The following DENND3 variants were observed in gnomAD, a reference collection of about 807,000 sequenced individuals.
The protein encoded by DENND3 is DENN domain containing 3.
Under a neutral mutation model 135.1 loss-of-function variants are expected in DENND3, and 88 were observed. The observed-to-expected ratio is 0.65, with a 90% CI of 0.55 to 0.78. DENND3 has a LOEUF of 0.78. Ranked by LOEUF, DENND3 falls within the 30% of genes least tolerant of loss-of-function variation. The probability of loss-of-function intolerance (pLI) is 0.00; values close to 1 mark genes in which losing one functional copy is unlikely to be tolerated. For synonymous variants in DENND3, 693 were observed against 712.3 expected, an observed-to-expected ratio of 0.97 and a Z score of 0.43; for missense variants, 1,392 against 1,688.4, an observed-to-expected ratio of 0.82 and a Z score of 3.08.
intron 3 of DENND3, among the ~76,000 whole-genome samples, chr8:141,140,928 C>CCTTT: frequency 6.6e-6 from 1 of 152,210 alleles, no homozygotes; most frequent in African/African-American, 2.4e-5. Context: ...TTACTGTGTT[C>CCTTT]TAATCGTGTG....
Position 141,194,164 on chromosome 8 carries a change from T to TGAGGACAGA in DENND3, c.3769_3777dup (p.Glu1257_Arg1259dup). On this transcript the variant is annotated inframe_insertion, in exon 23 of 23. Transcript: ENST00000519811. ...ACACCGTGAGGACGCTGTGCTCGGCTGAGGACAGATACGTGCTGAGTGGGT... is the reference window on the plus strand; with the variant it reads ...ACACCGTGAGGACGCTGTGCTCGGCTGAGGACAGAGAGGACAGATACGTGCTGAGTGGGT... 1 of 1,613,600 alleles carries TGAGGACAGA rather than the reference T, an allele frequency of 6.2e-7. No individual in the cohort carries two copies. Among genetic ancestry groups the TGAGGACAGA allele is most frequent in the East Asian group, 2.2e-5 (1 of 44,862 alleles).
chr8:141,135,230 C>T (rs965935712), intron 1 of DENND3, among the ~76,000 whole-genome samples: 1 of 151,466 alleles, frequency 6.6e-6, no homozygotes, highest in Admixed American at 6.6e-5. Context: ...CAGCTCACTG[C>T]AGCCTCAACC....
chr8:141,144,389 C>T lies in DENND3; in HGVS notation c.735+130C>T. On this transcript the variant is annotated intron_variant, in intron 5 of 22. Transcript: ENST00000519811. The surrounding 1 kb of genome is among the most constrained non-coding windows in gnomAD (Gnocchi z 4.4). Reference sequence around the variant, plus strand: ...GTAAACCTAAAATAACATCCTAACCCCCCCGCCTCCCCACAGCTGACTGAC... The same window carrying T: ...GTAAACCTAAAATAACATCCTAACCTCCCCGCCTCCCCACAGCTGACTGAC... 2 of 891,732 alleles carry T rather than the reference C, an allele frequency of 2.2e-6. No individual in the cohort carries two copies. Among genetic ancestry groups the T allele is most frequent in the Non-Finnish European group, 3.2e-6 (2 of 619,648 alleles). The allele number at this position is 891,732 out of a possible 1,614,324, so 55.2% of individuals were successfully genotyped here. A position where few individuals can be genotyped will look rare whatever the true frequency, so the allele number is the denominator to read the frequency against.
At position 141,128,733 on chromosome 8, in the gene DENND3, T is replaced by G; in HGVS notation, c.26T>G (p.Leu9Trp). Reference sequence around the variant, plus strand: ...ATGGCGGAGGCCGCGTCGCCGCACTTGTCGCTGCCCTCGGGGCTGCTGGAG... The same window carrying G: ...ATGGCGGAGGCCGCGTCGCCGCACTGGTCGCTGCCCTCGGGGCTGCTGGAG... MAEAASPH[L>W]SLPSGLLELC... Residue 9 changes from leucine (L) to tryptophan (W), a missense_variant, in exon 1 of 23, where the codon TTG (leucine) becomes TGG (tryptophan). Transcript: ENST00000519811. The surrounding 1 kb of genome is among the most constrained non-coding windows in gnomAD (Gnocchi z 4.5). 1 of 1,438,788 alleles carries G rather than the reference T, an allele frequency of 7.0e-7. No homozygotes were observed. Among genetic ancestry groups the G allele is most frequent in the Non-Finnish European group, 9.1e-7 (1 of 1,097,634 alleles). 89.1% of individuals were successfully genotyped at this position (1,438,788 alleles called of 1,614,324 possible).
chr8:141,151,949 C>T (rs1818841598), intron 7 of DENND3, 112 bp downstream of exon 7: 16 of 1,307,816 alleles, frequency 1.2e-5, no homozygotes, highest in African/African-American at 2.9e-5. Context: ...GTCTGTGTGC[C>T]GCAGAGAGGT....
At chr8:141,142,481 C>A (rs1343068918) in intron 4 of DENND3, 1 of 427,496 alleles carries the variant, frequency 2.3e-6, no homozygotes, top group East Asian at 7.3e-5. Context: ...CTGTTCAAAT[C>A]AATGACTCGT....
rs1303635151 is a variant in DENND3 at position 141,195,001 on chromosome 8, G to C, written c.*768G>C. 1 of 152,226 alleles carries C rather than the reference G, an allele frequency of 6.6e-6. No homozygotes were observed. The highest frequency in any genetic ancestry group is 1.9e-4 in the East Asian group (1 of 5,194). 9.4% of individuals were successfully genotyped at this position (152,226 alleles called of 1,614,324 possible). On this transcript the variant is annotated 3_prime_UTR_variant, in exon 23 of 23. Coordinates refer to ENST00000519811, the MANE Select transcript of DENND3 (RefSeq NM_001352890.3). ...AGCACATGGGATCAAAAGTAAAATA[G>C]CATCATGTGTGATCTCGTCTTCCAG...
At chr8:141,185,811 C>A (rs1486422879) in intron 18 of DENND3, among the ~76,000 whole-genome samples, 1 of 151,550 alleles carries the variant, frequency 6.6e-6, no homozygotes, top group Non-Finnish European at 1.5e-5. Context: ...GGTGACAGAG[C>A]CATACCCTGT....
chr8:141,192,570 C>T lies in DENND3; in HGVS notation c.3543C>T (p.Tyr1181=). 1 of 1,580,598 alleles carries T rather than the reference C, an allele frequency of 6.3e-7. No homozygotes were observed. The highest frequency in any genetic ancestry group is 8.6e-7 in the Non-Finnish European group (1 of 1,161,026). ...WAACAGRSEV[Y]IWSLKDLAQP... is the part of the protein sequence containing the mutation. Reference sequence around the variant, plus strand: ...CCTGTGCAGGACGCAGCGAGGTTTACATCTGGAGCCTGAAGGACCTGGCCC... The same window carrying T: ...CCTGTGCAGGACGCAGCGAGGTTTATATCTGGAGCCTGAAGGACCTGGCCC... Residue 1181 remains tyrosine, a synonymous_variant, in exon 22 of 23, where the codon TAC becomes TAT. Coordinates refer to ENST00000519811, the MANE Select transcript of DENND3 (RefSeq NM_001352890.3).
chr8:141,194,270 G>A lies in DENND3; in HGVS notation c.*37G>A, dbSNP rs371734847. ...TCTGCCAAGTGGAACTGTGCCCTATGTGTGGGGACTGGCTGCCCCCTAGAG... is the reference window on the plus strand; with the variant it reads ...TCTGCCAAGTGGAACTGTGCCCTATATGTGGGGACTGGCTGCCCCCTAGAG... On this transcript the variant is annotated 3_prime_UTR_variant, in exon 23 of 23. Coordinates refer to ENST00000519811, the MANE Select transcript of DENND3 (RefSeq NM_001352890.3). The A allele has an allele frequency of 8.8e-5, 141 of 1,598,074 alleles. No individual in the cohort carries two copies. The Middle Eastern group carries it at 1.7e-3, about 19-fold the overall frequency.
chr8:141,175,329 T>G lies in DENND3; in HGVS notation c.2405T>G (p.Val802Gly). 1 of 1,614,172 alleles carries G rather than the reference T, an allele frequency of 6.2e-7. No homozygotes were observed. The highest frequency in any genetic ancestry group is 1.3e-5 in the African/African-American group (1 of 75,028). ...GAACACCTGGATAAAAACGAGTGTG[T>G]GTGTAAGTTGTCCAGCTCCGTCAAG... ...VMEHLDKNEC[V>G]CKLSSSVKTN... is the part of the protein sequence containing the mutation. The change falls in exon 14 of 23, where the codon GTG becomes GGG. Residue 802 changes from valine (V) to glycine (G), a missense_variant. By Grantham distance (109) the Val-to-Gly change is moderately radical. Coordinates refer to ENST00000519811, the MANE Select transcript of DENND3 (RefSeq NM_001352890.3). The surrounding 1 kb of genome is among the most constrained non-coding windows in gnomAD (Gnocchi z 5.4).
intron 8 of DENND3, 51 bp from the exon 9 acceptor site, chr8:141,160,581 C>T: frequency 6.5e-7 from 1 of 1,528,432 alleles, no homozygotes; most frequent in African/African-American, 1.4e-5. Context: ...TGGTGAGCGG[C>T]CGTGGCCAGT....
Position 141,181,483 on chromosome 8 carries a change from G to A in DENND3, c.2944+629G>A, listed in dbSNP as rs146840374. On this transcript the variant is annotated intron_variant, in intron 17 of 22. Transcript: ENST00000519811. ...TCTGTGTGGCCCTGAGCGGCCCTGAGTGCCTGCCAGTCCCTCTTCTCCGCT... is the reference window on the plus strand; with the variant it reads ...TCTGTGTGGCCCTGAGCGGCCCTGAATGCCTGCCAGTCCCTCTTCTCCGCT... Among the ~76,000 whole-genome samples, 32 of 152,362 alleles carry A rather than the reference G, an allele frequency of 2.1e-4. No homozygotes were observed. In the East Asian group the frequency reaches 3.9e-3, roughly 18 times the overall value.
In DENND3 at chr8:141,144,417, GACC is replaced by G. The variant is rs1817804992; in HGVS notation, c.735+159_735+161del. On this transcript the variant is annotated intron_variant, in intron 5 of 22. Transcript: ENST00000519811. The surrounding 1 kb of genome is among the most constrained non-coding windows in gnomAD (Gnocchi z 4.4). ...CCGCCTCCCCACAGCTGACTGACTG[GACC>G]CCCTTTTGGCCAAGGGGACCCCAGA... Among the ~76,000 whole-genome samples, 2 of 151,982 alleles carry G rather than the reference GACC, an allele frequency of 1.3e-5. No homozygotes were observed. Among genetic ancestry groups the G allele is most frequent in the Non-Finnish European group, 2.9e-5 (2 of 67,994 alleles).
intron 9 of DENND3, among the ~76,000 whole-genome samples, chr8:141,163,046 G>A (rs1427477226): frequency 6.6e-6 from 1 of 152,216 alleles, no homozygotes; most frequent in Non-Finnish European, 1.5e-5. Flanking sequence ...TCATGTGTGT[G>A]GACCGCAACT....
chr8:141,147,496 C>T (rs1017065656), intron 5 of DENND3, among the ~76,000 whole-genome samples: 1 of 152,234 alleles, frequency 6.6e-6, no homozygotes, highest in Non-Finnish European at 1.5e-5. Flanking sequence ...GGTGCCGCCA[C>T]AGGGCCCTTG....
At chr8:141,136,178 G>A (rs1372499495) in intron 1 of DENND3, among the ~76,000 whole-genome samples, 4 of 152,230 alleles carry the variant, frequency 2.6e-5, no homozygotes, top group Admixed American at 2.6e-4. Flanking sequence ...CTGTCAGGAG[G>A]TGGAGGCACA....
intron 10 of DENND3, among the ~76,000 whole-genome samples, chr8:141,164,107 G>C (rs1460249367): frequency 6.6e-6 from 1 of 152,084 alleles, no homozygotes; most frequent in Non-Finnish European, 1.5e-5. Context: ...TAGACGGCTG[G>C]CCCATCTCAG....
intron 5 of DENND3, among the ~76,000 whole-genome samples, chr8:141,148,971 C>T (rs1473163748): frequency 1.3e-5 from 2 of 151,086 alleles, no homozygotes; most frequent in African/African-American, 4.9e-5. Context: ...AGTGCAATGG[C>T]ACAGTCTCGG....
Sources: gnomAD v4.1 joint callset for allele counts (sites outside exome capture counted in the v4.1 genomes callset) on GRCh38, gnomAD v4.1.1 for gene constraint, Gnocchi (gnomAD v3.1) non-coding constraint, MANE v1.5 for transcripts, NCBI Gene and HGNC (gene_info 2026-07-23, HGNC 2026-07-21) for gene names.